The following PTPN14 variants were observed in gnomAD, a reference collection of about 807,000 sequenced individuals.
The protein encoded by PTPN14 is tyrosine-protein phosphatase non-receptor type 14.
In PTPN14, 53 loss-of-function variants were observed where a neutral mutation model predicts 126.8. That is an observed-to-expected ratio of 0.42 (90% confidence interval 0.34 to 0.53). The LOEUF (loss-of-function observed/expected upper bound fraction) is 0.53. PTPN14 is among the 20% of genes least tolerant of loss of function. The pLI, the probability that PTPN14 is intolerant of heterozygous loss-of-function variation, is 0.08. For missense variants in PTPN14, 1,257 were observed against 1,552.9 expected (o/e 0.81, Z 3.20); for synonymous variants, 630 against 599.3 (o/e 1.05, Z -0.75).
chr1:214,537,200 T>A (rs888531595), intron 1 of PTPN14, among the ~76,000 whole-genome samples: 10 of 152,236 alleles, frequency 6.6e-5, no homozygotes, highest in Non-Finnish European at 1.3e-4. Flanking sequence ...CAATGGTTTT[T>A]ACTATATTCC....
At position 214,464,929 on chromosome 1, in the gene PTPN14, C is replaced by T; in HGVS notation, c.-126G>A. Reference sequence around the variant, plus strand: ...TCCTCCAGGCAGGGAAAAGGGTGTCCATGCCCAGTGTGGCCCTCTGGAAGA... The same window carrying T: ...TCCTCCAGGCAGGGAAAAGGGTGTCTATGCCCAGTGTGGCCCTCTGGAAGA... On this transcript the variant is annotated 5_prime_UTR_variant, in exon 2 of 19. It removes an upstream start codon present in the reference 5' UTR. Coordinates refer to ENST00000366956, the MANE Select transcript of PTPN14 (RefSeq NM_005401.5). 2 of 1,215,798 alleles carry T rather than the reference C, an allele frequency of 1.6e-6. No homozygotes were observed. The highest frequency in any genetic ancestry group is 1.5e-5 in the South Asian group (1 of 67,264). The allele number at this position is 1,215,798 out of a possible 1,614,324, so 75.3% of individuals were successfully genotyped here. A position where few individuals can be genotyped will look rare whatever the true frequency, so the allele number is the denominator to read the frequency against.
At chr1:214,532,826 A>C in intron 1 of PTPN14, 1 of 908,472 alleles carries the variant, frequency 1.1e-6, no homozygotes, top group South Asian at 1.3e-5. Flanking sequence ...ATGAAGAACC[A>C]CAAAGATGAA....
intron 3 of PTPN14, among the ~76,000 whole-genome samples, chr1:214,436,660 G>A (rs887814855): frequency 3.3e-5 from 5 of 151,964 alleles, no homozygotes; most frequent in East Asian, 3.9e-4. Context: ...GGTGGTGGGC[G>A]CCTGTAATCC....
intron 1 of PTPN14, among the ~76,000 whole-genome samples, chr1:214,516,470 T>A (rs1438771741): frequency 6.6e-6 from 1 of 152,222 alleles, no homozygotes; most frequent in African/African-American, 2.4e-5. Flanking sequence ...TGGGCTGATA[T>A]GACATCTGCC....
chr1:214,526,255 C>T (rs997384985), intron 1 of PTPN14, among the ~76,000 whole-genome samples: 3 of 152,104 alleles, frequency 2.0e-5, no homozygotes, highest in African/African-American at 7.2e-5. Flanking sequence ...CGTGAGCCAC[C>T]ACGCCCGGCC....
chr1:214,475,569 C>T (rs959182159), intron 1 of PTPN14, among the ~76,000 whole-genome samples: 1 of 152,198 alleles, frequency 6.6e-6, no homozygotes, highest in Admixed American at 6.5e-5. Flanking sequence ...TGCAACTCTT[C>T]AATTCCACTT....
intron 8 of PTPN14, among the ~76,000 whole-genome samples, chr1:214,396,693 C>T: frequency 6.6e-6 from 1 of 152,198 alleles, no homozygotes; most frequent in East Asian, 1.9e-4. Context: ...CTGTGAGTGG[C>T]TTATGCTCAT....
In PTPN14 at chr1:214,465,951, C is replaced by CTTTTTTTTTTT. The variant is rs71165974; in HGVS notation, c.-154-1005_-154-995dup. ...TGCATTTAATATAATCAGTTACTTC[C>CTTTTTTTTTTT]TTTTTTTTTTTTTTTTTTTTGTGAA... On this transcript the variant is annotated intron_variant, in intron 1 of 18. Transcript: ENST00000366956. Among the ~76,000 whole-genome samples the CTTTTTTTTTTT allele has an allele frequency of 3.6e-3, 211 of 59,004 alleles. 68 individuals are homozygous for CTTTTTTTTTTT. Among genetic ancestry groups the CTTTTTTTTTTT allele is most frequent in the African/African-American group, 8.4e-3 (121 of 14,424 alleles). 38.7% of individuals were successfully genotyped at this position (59,004 alleles called of 152,430 possible).
chr1:214,503,018 T>C (rs1654745550), intron 1 of PTPN14, among the ~76,000 whole-genome samples: 1 of 152,186 alleles, frequency 6.6e-6, no homozygotes, highest in Non-Finnish European at 1.5e-5. Flanking sequence ...AAAGTATCTC[T>C]AAAGGAAATT....
At chr1:214,498,805 C>T (rs1045790870) in intron 1 of PTPN14, among the ~76,000 whole-genome samples, 1 of 151,680 alleles carries the variant, frequency 6.6e-6, no homozygotes, top group Non-Finnish European at 1.5e-5. Context: ...TTTTTTCCTG[C>T]GAGATCCTTG....
intron 11 of PTPN14, among the ~76,000 whole-genome samples, chr1:214,389,245 C>A (rs1658696388): frequency 6.6e-6 from 1 of 152,140 alleles, no homozygotes; most frequent in East Asian, 1.9e-4. Flanking sequence ...TAAAAAAAAC[C>A]AATAAGTAAG....
chr1:214,427,988 A>G lies in PTPN14; in HGVS notation c.345-13262T>C, dbSNP rs141627115. Among the ~76,000 whole-genome samples, 41 of 152,348 alleles carry G rather than the reference A, an allele frequency of 2.7e-4. No homozygotes were observed. The East Asian group carries it at 6.4e-3, about 24-fold the overall frequency. ...AAGGCAGGAAGTGGTACAAACCACA[A>G]AAGGCCTCGCAGGGCACGGTAAGGG... is the stretch of plus-strand genomic sequence containing the variant. On this transcript the variant is annotated intron_variant, in intron 3 of 18. Transcript: ENST00000366956.
At chr1:214,494,102 G>A (rs531228644) in intron 1 of PTPN14, among the ~76,000 whole-genome samples, 9 of 151,540 alleles carry the variant, frequency 5.9e-5, no homozygotes, top group South Asian at 2.1e-4. Flanking sequence ...ACAGAGTCTC[G>A]CACTGTCGCC....
chr1:214,438,300 A>G (rs1220443850), intron 3 of PTPN14, among the ~76,000 whole-genome samples: 1 of 152,172 alleles, frequency 6.6e-6, no homozygotes, highest in Non-Finnish European at 1.5e-5. Flanking sequence ...CTCGGGCCTG[A>G]TAACCTTAGC....
chr1:214,350,533 C>CTTTTTT lies in PTPN14; in HGVS notation c.*7383_*7388dup, dbSNP rs146640564. ...TTCTGGTTATTTTCATCCGCCAGAT[C>CTTTTTT]TTTTTTTTTTTTTTTTTTTTTTTTT... On this transcript the variant is annotated 3_prime_UTR_variant, in exon 19 of 19. Transcript: ENST00000366956. The CTTTTTT allele has an allele frequency of 3.5e-5, 2 of 56,992 alleles. No homozygotes were observed. Among genetic ancestry groups the CTTTTTT allele is most frequent in the African/African-American group, 7.0e-5 (1 of 14,386 alleles). The allele number at this position is 56,992 out of a possible 1,614,324, so 3.5% of individuals were successfully genotyped here.
At chr1:214,467,236 T>A (rs1460920693) in intron 1 of PTPN14, among the ~76,000 whole-genome samples, 1 of 151,544 alleles carries the variant, frequency 6.6e-6, no homozygotes, top group Non-Finnish European at 1.5e-5. Flanking sequence ...AGCCCTTAGA[T>A]GTTTACTACT....
chr1:214,358,307 C>A (rs1244355570), intron 18 of PTPN14, among the ~76,000 whole-genome samples: 1 of 152,188 alleles, frequency 6.6e-6, no homozygotes, highest in African/African-American at 2.4e-5. Context: ...TGCTGTGTCA[C>A]CCAGGCTGGA....
At chr1:214,516,364 T>C (rs921716282) in intron 1 of PTPN14, among the ~76,000 whole-genome samples, 3 of 152,178 alleles carry the variant, frequency 2.0e-5, no homozygotes, top group African/African-American at 7.2e-5. Flanking sequence ...TCACAGCCCT[T>C]CAGAGTATCC....
At position 214,383,315 on chromosome 1, in the gene PTPN14, A is replaced by T; in HGVS notation, c.2540T>A (p.Ile847Asn). ...EDSIIEREMMIRNLEKQKMAG... is the reference protein window; with the variant it reads ...EDSIIEREMMNRNLEKQKMAG... ...CTGGGAGAGGAGGACACTCACCCTG[A>T]TCATCATCTCTCTCTCTATAATGCT... Residue 847 changes from isoleucine to asparagine, a missense_variant, in exon 13 of 19, where the codon ATC becomes AAC. By Grantham distance (149) the Ile-to-Asn change is moderately radical. Transcript: ENST00000366956. The surrounding 1 kb of genome is among the most constrained non-coding windows in gnomAD (Gnocchi z 4.4). 6.2e-7 allele frequency: 1 copy of T among 1,609,156 alleles called. No homozygotes were observed. Among genetic ancestry groups the T allele is most frequent in the East Asian group, 2.2e-5 (1 of 44,704 alleles).
Sources: gnomAD v4.1 joint callset for allele counts (sites outside exome capture counted in the v4.1 genomes callset) on GRCh38, gnomAD v4.1.1 for gene constraint, Gnocchi (gnomAD v3.1) non-coding constraint, MANE v1.5 for transcripts, NCBI Gene and HGNC (gene_info 2026-07-23, HGNC 2026-07-21) for gene names.